Variants in KCNH8 observed in about 807,000 individuals in gnomAD.
KCNH8 encodes the protein potassium voltage-gated channel subfamily H member 8.
A neutral mutation model predicts 103.6 loss-of-function variants in KCNH8; 70 were observed. The ratio of observed to expected loss-of-function variants is 0.68; its 90% CI spans 0.56 to 0.82. The LOEUF is 0.82. Ranked by LOEUF, KCNH8 falls within the 40% of genes least tolerant of loss-of-function variation. The probability of loss-of-function intolerance (pLI) is 0.00; values close to 1 mark genes in which losing one functional copy is unlikely to be tolerated. For missense variants in KCNH8, 1,217 were observed against 1,329.9 expected (o/e 0.92, Z 1.32); for synonymous variants, 498 against 489.4 (o/e 1.02, Z -0.23).
chr3:19,244,435 G>T (rs561666747), intron 1 of KCNH8, among the ~76,000 whole-genome samples: 60 of 151,928 alleles, frequency 3.9e-4, no homozygotes, highest in Admixed American at 9.2e-4. Context: ...TTTGTTTTTT[G>T]TTGTTGTTGT....
At chr3:19,419,859 T>C (rs530881451) in intron 7 of KCNH8, among the ~76,000 whole-genome samples, 1 of 152,242 alleles carries the variant, frequency 6.6e-6, no homozygotes, top group African/African-American at 2.4e-5. Context: ...CCTATTTAGC[T>C]TTCTGTAGCT....
At chr3:19,466,091 A>G (rs970426076) in intron 11 of KCNH8, among the ~76,000 whole-genome samples, 2 of 151,806 alleles carry the variant, frequency 1.3e-5, no homozygotes, top group African/African-American at 2.4e-5. Flanking sequence ...CACCCGGCTA[A>G]TTCTTTTTTA....
chr3:19,304,690 G>A (rs1487703906), intron 3 of KCNH8, among the ~76,000 whole-genome samples: 1 of 151,972 alleles, frequency 6.6e-6, no homozygotes, highest in Non-Finnish European at 1.5e-5. Flanking sequence ...AAAATTAGAG[G>A]ACTATCAAGG....
At position 19,351,137 on chromosome 3, in the gene KCNH8, G is replaced by A. The variant is rs576459314; in HGVS notation, c.811+3172G>A. 1.8e-4 allele frequency among the ~76,000 whole-genome samples: 27 copies of A among 152,198 alleles called. No individual in the cohort carries two copies. The Middle Eastern group carries it at 0.017, about 96-fold the overall frequency. On this transcript the variant is annotated intron_variant, in intron 5 of 15. Coordinates refer to ENST00000328405, the MANE Select transcript of KCNH8 (RefSeq NM_144633.3). ...ATCAAGTGGAAGAAGGGGTATCAGT[G>A]ACTGAAGATCAGATGAATGAAATGA...
At chr3:19,433,003 GT>G (rs1017483799) in intron 7 of KCNH8, among the ~76,000 whole-genome samples, 5 of 151,566 alleles carry the variant, frequency 3.3e-5, no homozygotes, top group Non-Finnish European at 5.9e-5. Flanking sequence ...CTTGTCTTTT[GT>G]TTTTTTTGGG....
rs115363636 is a variant in KCNH8 at position 19,258,024 on chromosome 3, A to G, written c.310+4137A>G. Among the ~76,000 whole-genome samples the G allele has an allele frequency of 7.7e-3, 1,172 of 152,028 alleles. 19 individuals carry two copies. Among genetic ancestry groups the G allele is most frequent in the African/African-American group, 0.026 (1,064 of 41,464 alleles). On this transcript the variant is annotated intron_variant, in intron 2 of 15. Transcript: ENST00000328405. ...CTCCCTATGTGATGGTCTGTGTCCA[A>G]ATTTTCCCTTTTAAATGAGGGTATC...
chr3:19,183,816 G>A (rs1421791692), intron 1 of KCNH8, among the ~76,000 whole-genome samples: 2 of 152,052 alleles, frequency 1.3e-5, no homozygotes, highest in Non-Finnish European at 2.9e-5. Context: ...AAACTCTAGC[G>A]GTAAGTCAGC....
intron 4 of KCNH8, among the ~76,000 whole-genome samples, chr3:19,347,158 A>G (rs200038678): frequency 6.6e-6 from 1 of 152,148 alleles, no homozygotes; most frequent in Non-Finnish European, 1.5e-5. Context: ...CAACTTCACC[A>G]ACAGCCACAG....
chr3:19,195,613 G>A (rs1157463809), intron 1 of KCNH8, among the ~76,000 whole-genome samples: 1 of 151,844 alleles, frequency 6.6e-6, no homozygotes, highest in Non-Finnish European at 1.5e-5. Flanking sequence ...GGATTGGTGT[G>A]CTGCAGTTTT....
At chr3:19,218,478 G>C (rs143621860) in intron 1 of KCNH8, among the ~76,000 whole-genome samples, 1 of 152,042 alleles carries the variant, frequency 6.6e-6, no homozygotes, top group African/African-American at 2.4e-5. Flanking sequence ...TCATAAAATC[G>C]AACTGCTCCA....
intron 5 of KCNH8, among the ~76,000 whole-genome samples, chr3:19,359,398 T>C (rs771245372): frequency 3.9e-5 from 6 of 151,972 alleles, no homozygotes; most frequent in Non-Finnish European, 8.8e-5. Flanking sequence ...GAGAAACTTA[T>C]TTTAGAAAAT....
At chr3:19,278,249 G>C (rs1430292553) in intron 2 of KCNH8, among the ~76,000 whole-genome samples, 6 of 151,912 alleles carry the variant, frequency 3.9e-5, no homozygotes, top group Non-Finnish European at 4.4e-5. Flanking sequence ...GGTAGCTTTT[G>C]GCATCTATTA....
intron 3 of KCNH8, among the ~76,000 whole-genome samples, chr3:19,339,126 CT>C (rs1389422411): frequency 1.3e-5 from 2 of 152,026 alleles, no homozygotes; most frequent in Admixed American, 1.3e-4. Flanking sequence ...TCACAGAAAA[CT>C]TTTTTTCTTC....
At chr3:19,314,330 T>A (rs2065245419) in intron 3 of KCNH8, among the ~76,000 whole-genome samples, 1 of 151,940 alleles carries the variant, frequency 6.6e-6, no homozygotes, top group African/African-American at 2.4e-5. Context: ...CTCAGCACTT[T>A]GGGAGGCCAA....
At chr3:19,380,922 TA>T (rs2066279905) in intron 5 of KCNH8, among the ~76,000 whole-genome samples, 1 of 152,218 alleles carries the variant, frequency 6.6e-6, no homozygotes, top group Admixed American at 6.5e-5. Flanking sequence ...ATGGCATTCA[TA>T]AAAATAACTA....
Position 19,365,722 on chromosome 3 carries a change from C to A in KCNH8, c.811+17757C>A, listed in dbSNP as rs141870678. On this transcript the variant is annotated intron_variant, in intron 5 of 15. Coordinates refer to ENST00000328405, the MANE Select transcript of KCNH8 (RefSeq NM_144633.3). ...ATATGATTTACATCCTGATAGGAGACAAACAGTAAACAAAACAATTAATTT... is the reference window on the plus strand; with the variant it reads ...ATATGATTTACATCCTGATAGGAGAAAAACAGTAAACAAAACAATTAATTT... Among the ~76,000 whole-genome samples the A allele has an allele frequency of 1.8e-3, 267 of 151,880 alleles. 1 individual carries two copies. Among genetic ancestry groups the A allele is most frequent in the African/African-American group, 6.2e-3 (256 of 41,442 alleles).
chr3:19,309,055 G>A (rs945958212), intron 3 of KCNH8, among the ~76,000 whole-genome samples: 1 of 151,702 alleles, frequency 6.6e-6, no homozygotes, highest in African/African-American at 2.4e-5. Context: ...GTGACAATAA[G>A]ATTAAAACTT....
chr3:19,317,036 G>A (rs116382858), intron 3 of KCNH8, among the ~76,000 whole-genome samples: 24 of 151,562 alleles, frequency 1.6e-4, no homozygotes, highest in Non-Finnish European at 3.4e-4. Flanking sequence ...ACTTCTTGGT[G>A]GCTTGATTTA....
intron 1 of KCNH8, among the ~76,000 whole-genome samples, chr3:19,161,680 G>C (rs2063235766): frequency 1.3e-5 from 2 of 152,150 alleles, no homozygotes; most frequent in Admixed American, 6.6e-5. Context: ...TAAAGATAAA[G>C]GTATTAATTT....
Sources: gnomAD v4.1 joint callset for allele counts (sites outside exome capture counted in the v4.1 genomes callset) on GRCh38, gnomAD v4.1.1 for gene constraint, MANE v1.5 for transcripts, NCBI Gene and HGNC (gene_info 2026-07-23, HGNC 2026-07-21) for gene names.